ASTN2: variants seen among roughly 807,000 people sequenced by gnomAD.
ASTN2 encodes astrotactin-2.
Under a neutral mutation model 139.8 loss-of-function variants are expected in ASTN2, and 54 were observed. The observed-to-expected ratio is 0.39, with a 90% CI of 0.31 to 0.48. ASTN2 has a LOEUF of 0.48. ASTN2 is among the 20% of genes least tolerant of loss of function. The pLI is 0.95. For synonymous variants in ASTN2, 756 were observed against 719.5 expected (o/e 1.05, Z -0.81); for missense variants, 1,565 against 1,725.1 (o/e 0.91, Z 1.64).
rs371700782 is a variant in ASTN2 at position 116,951,840 on chromosome 9, C to T, written c.1889+23368G>A. 3.3e-4 allele frequency among the ~76,000 whole-genome samples: 50 copies of T among 152,238 alleles called. 2 individuals carry two copies. The South Asian group carries it at 7.9e-3, about 24-fold the overall frequency. ...ATCCATTGCATTTTAAAAAATCCCT[C>T]CAAAAGACAAAATATTTTGAAACTT... On this transcript the variant is annotated intron_variant, in intron 10 of 22. Coordinates refer to ENST00000313400, the MANE Select transcript of ASTN2 (RefSeq NM_001365068.1).
In ASTN2 at chr9:116,840,474, C is replaced by T. The variant is rs182836690; in HGVS notation, c.2041-19691G>A. 9.1e-3 allele frequency among the ~76,000 whole-genome samples: 1,189 copies of T among 131,156 alleles called. 3 individuals are homozygous for T. Among genetic ancestry groups the T allele is most frequent in the East Asian group, 0.03 (120 of 4,064 alleles). 86.0% of individuals were successfully genotyped at this position (131,156 alleles called of 152,430 possible). On this transcript the variant is annotated intron_variant, in intron 11 of 22. Transcript: ENST00000313400. ...GCGGCCGGGCAGAGGCGCCCCTCAC[C>T]TCCCGGACGGGGCGGCTGGCCGGAC...
chr9:116,659,186 A>G (rs1858409602), intron 16 of ASTN2, among the ~76,000 whole-genome samples: 1 of 140,536 alleles, frequency 7.1e-6, no homozygotes, highest in Admixed American at 6.7e-5. Flanking sequence ...CGTTTTTATT[A>G]TTTGATTTAA....
chr9:116,570,306 T>C (rs1853445467), intron 19 of ASTN2, among the ~76,000 whole-genome samples: 1 of 152,234 alleles, frequency 6.6e-6, no homozygotes, highest in African/African-American at 2.4e-5. Context: ...TATATTTACT[T>C]AACCCTTTCT....
intron 5 of ASTN2, among the ~76,000 whole-genome samples, chr9:117,080,187 T>C (rs765465419): frequency 1.3e-5 from 2 of 152,190 alleles, no homozygotes; most frequent in Admixed American, 6.5e-5. Context: ...ATATATAACA[T>C]TGTGATTCAC....
At chr9:117,175,933 C>T (rs965996846) in intron 3 of ASTN2, among the ~76,000 whole-genome samples, 1 of 151,272 alleles carries the variant, frequency 6.6e-6, no homozygotes, top group Non-Finnish European at 1.5e-5. Context: ...AAACATAAGT[C>T]ATAGATTGGA....
chr9:117,120,012 G>GTC (rs1194137211), intron 4 of ASTN2, among the ~76,000 whole-genome samples: 2 of 68,782 alleles, frequency 2.9e-5, no homozygotes, highest in South Asian at 1.2e-3. Context: ...GTGTGTGTGT[G>GTC]TGTGTGTATA....
intron 19 of ASTN2, among the ~76,000 whole-genome samples, chr9:116,527,238 C>CA (rs1851134917): frequency 6.6e-6 from 1 of 152,040 alleles, no homozygotes; most frequent in Admixed American, 6.6e-5. Flanking sequence ...AGAGTGAAGA[C>CA]AAAATCTACA....
chr9:117,204,488 C>T (rs1426638172), intron 3 of ASTN2, among the ~76,000 whole-genome samples: 1 of 151,698 alleles, frequency 6.6e-6, no homozygotes, highest in Non-Finnish European at 1.5e-5. Flanking sequence ...ACACTGTACT[C>T]TCTCTCAAAG....
At chr9:116,446,221 CAGAG>C (rs200714023) in intron 20 of ASTN2, among the ~76,000 whole-genome samples, 1 of 135,976 alleles carries the variant, frequency 7.4e-6, no homozygotes, top group Non-Finnish European at 1.5e-5. Context: ...GAGCCAGGGA[CAGAG>C]AGAGACAGAG....
At chr9:117,274,144 A>G (rs549453762) in intron 2 of ASTN2, among the ~76,000 whole-genome samples, 52 of 152,180 alleles carry the variant, frequency 3.4e-4, no homozygotes, top group African/African-American at 1.2e-3. Flanking sequence ...AAGTCAGGAG[A>G]TCGAGACCAT....
intron 5 of ASTN2, among the ~76,000 whole-genome samples, chr9:117,084,105 T>G (rs138493784): frequency 0.013 from 1,914 of 151,888 alleles, 28 homozygotes; most frequent in Middle Eastern, 0.045. Flanking sequence ...TAGAGACAGA[T>G]AGGAGCTTTT....
intron 10 of ASTN2, among the ~76,000 whole-genome samples, chr9:116,961,379 C>CCCT (rs1835871291): frequency 6.6e-6 from 1 of 152,060 alleles, no homozygotes; most frequent in Non-Finnish European, 1.5e-5. Flanking sequence ...CTCCATTCTC[C>CCCT]CCTCCCCCAA....
chr9:116,833,897 G>A (rs1262142491), intron 11 of ASTN2, among the ~76,000 whole-genome samples: 1 of 152,138 alleles, frequency 6.6e-6, no homozygotes, highest in African/African-American at 2.4e-5. Context: ...CACAAGAAGA[G>A]GATGGGAGAC....
intron 4 of ASTN2, among the ~76,000 whole-genome samples, chr9:117,129,011 A>G (rs4838237): frequency 0.58 from 87,438 of 152,032 alleles, 25,132 homozygotes; most frequent in East Asian, 0.68. Context: ...AACATGTGGA[A>G]ATCACGGGAG....
At chr9:116,474,017 AT>A (rs1225208068) in intron 20 of ASTN2, among the ~76,000 whole-genome samples, 1 of 152,228 alleles carries the variant, frequency 6.6e-6, no homozygotes, top group Non-Finnish European at 1.5e-5. Context: ...TCACAACAAA[AT>A]TCTAACATGG....
At position 117,214,718 on chromosome 9, in the gene ASTN2, G is replaced by A. The variant is rs1479999046; in HGVS notation, c.655C>T (p.Leu219=). ...VMGGLIALLL[L]LLVFTVALYA... ...AGCGCCACGGTGAACACCAGCAGCA[G>A]CAGCAGCAGCGCGATGAGGCCACCC... is the stretch of plus-strand genomic sequence containing the variant. Residue 219 remains leucine, a synonymous_variant, in exon 3 of 23, where the codon CTG becomes TTG. Transcript: ENST00000313400. 2 of 1,508,232 alleles carry A rather than the reference G, an allele frequency of 1.3e-6. No individual in the cohort carries two copies. Among genetic ancestry groups the A allele is most frequent in the Non-Finnish European group, 1.8e-6 (2 of 1,125,596 alleles). 93.4% of individuals were successfully genotyped at this position (1,508,232 alleles called of 1,614,324 possible). A position where few individuals can be genotyped will look rare whatever the true frequency, so the allele number is the denominator to read the frequency against.
intron 11 of ASTN2, among the ~76,000 whole-genome samples, chr9:116,822,193 C>CAAAA (rs373782056): frequency 3.3e-4 from 17 of 50,862 alleles, no homozygotes; most frequent in Admixed American, 2.2e-3. Flanking sequence ...ACCACAATAA[C>CAAAA]AAAAAAAAAA....
At chr9:116,943,837 C>T (rs1467389130) in intron 10 of ASTN2, among the ~76,000 whole-genome samples, 1 of 152,164 alleles carries the variant, frequency 6.6e-6, no homozygotes, top group Non-Finnish European at 1.5e-5. Flanking sequence ...TATCCCATCC[C>T]ACAAGATTTT....
At chr9:117,088,905 C>T (rs983960866) in intron 5 of ASTN2, among the ~76,000 whole-genome samples, 1 of 152,172 alleles carries the variant, frequency 6.6e-6, no homozygotes, top group East Asian at 1.9e-4. Context: ...GATCCAGCAG[C>T]TATAACAGCT....
Sources: allele counts gnomAD v4.1 joint callset (sites outside exome capture counted in the v4.1 genomes callset), GRCh38; gene constraint gnomAD v4.1.1; transcripts MANE v1.5; gene names NCBI Gene and HGNC (gene_info 2026-07-23, HGNC 2026-07-21).